Variants in STRIP2 observed in about 807,000 individuals in gnomAD.
STRIP2 encodes the protein striatin interacting protein 2, also known as striatin-interacting protein 2.
In STRIP2, 84 loss-of-function variants were observed where a neutral mutation model predicts 107.1. The observed-to-expected ratio is 0.78, with a 90% CI of 0.66 to 0.94. The LOEUF (loss-of-function observed/expected upper bound fraction) is 0.94. Ranked by LOEUF, STRIP2 falls within the 40% of genes least tolerant of loss-of-function variation. The pLI, the probability that STRIP2 is intolerant of heterozygous loss-of-function variation, is 0.00. For synonymous variants in STRIP2, 394 were observed against 400.4 expected (o/e 0.98, Z 0.19); for missense variants, 888 against 1,034.2 (o/e 0.86, Z 1.94).
rs1046028694 is a variant in STRIP2, at chr7:129,458,235, C to T, written c.1059C>T (p.Asp353=). Residue 353 remains aspartate, a synonymous_variant, in exon 10 of 21, where the codon GAC becomes GAT. Coordinates refer to ENST00000249344, the MANE Select transcript of STRIP2 (RefSeq NM_020704.3). The surrounding 1 kb of genome is among the most constrained non-coding windows in gnomAD (Gnocchi z 4.6). ...TCCAGCAACTCCTCACTAAGCAGGA[C>T]AGCCTGGACATCTACAATGAAAGGG... ...GSRRQLLTKQ[D]SLDIYNERDL... 4 of 1,614,018 alleles carry T rather than the reference C, an allele frequency of 2.5e-6. No homozygotes were observed. In the African/African-American group the frequency reaches 5.3e-5, roughly 22 times the overall value.
Position 129,434,664 on chromosome 7 carries a change from G to A in STRIP2, c.129+63G>A, listed in dbSNP as rs995986575. On this transcript the variant is annotated intron_variant, in intron 1 of 20. Transcript: ENST00000249344. ...CGCCCGCCGGCGGGAAGCGGCGGCT[G>A]AGGTGATTCGGCCTCGGCCCCGGAG... 4 of 1,413,022 alleles carry A rather than the reference G, an allele frequency of 2.8e-6. No individual in the cohort carries two copies. In the African/African-American group the frequency reaches 4.5e-5, roughly 16 times the overall value. The allele number at this position is 1,413,022 out of a possible 1,614,324, so 87.5% of individuals were successfully genotyped here.
intron 5 of STRIP2, 35 bp downstream of exon 5, chr7:129,453,382 AC>A: frequency 6.2e-7 from 1 of 1,612,298 alleles, no homozygotes; most frequent in East Asian, 2.2e-5. Context: ...GGCCTACATA[AC>A]CCCCATTCCT....
At chr7:129,479,373 T>G (rs1799057909) in intron 18 of STRIP2, among the ~76,000 whole-genome samples, 2 of 152,238 alleles carry the variant, frequency 1.3e-5, no homozygotes, top group South Asian at 4.1e-4. Context: ...CCAGACTACC[T>G]GATGCACTAC....
chr7:129,458,595 G>GC lies in STRIP2; in HGVS notation c.1275-115dup, dbSNP rs1165674338. ...TTTGAAATTCCTTCTGTTGATTGCT[G>GC]CCTTTTTCCACTGCTCCAGTCCTCT... On this transcript the variant is annotated intron_variant, in intron 10 of 20. Coordinates refer to ENST00000249344, the MANE Select transcript of STRIP2 (RefSeq NM_020704.3). The surrounding 1 kb of genome is among the most constrained non-coding windows in gnomAD (Gnocchi z 4.6). 9 of 1,311,880 alleles carry GC rather than the reference G, an allele frequency of 6.9e-6. No individual in the cohort carries two copies. The highest frequency in any genetic ancestry group is 9.6e-6 in the Non-Finnish European group (9 of 933,652). 81.3% of individuals were successfully genotyped at this position (1,311,880 alleles called of 1,614,324 possible). A position where few individuals can be genotyped will look rare whatever the true frequency, so the allele number is the denominator to read the frequency against.
chr7:129,482,940 G>A lies in STRIP2; in HGVS notation c.2148G>A (p.Gln716=). The change falls in exon 20 of 21, where the codon CAG becomes CAA. Residue 716 remains glutamine, a synonymous_variant. Transcript: ENST00000249344. The stretch of plus-strand genomic sequence containing the variant: ...ATGTCCTAAAGCTACTAAAGTTACA[G>A]ACCAAGTACCTGGGGCGCCAATGGA... The part of the protein sequence containing the change: ...QLYVLKLLKL[Q]TKYLGRQWRK... 6.2e-7 allele frequency: 1 copy of A among 1,614,118 alleles called. No individual in the cohort carries two copies. The highest frequency in any genetic ancestry group is 8.5e-7 in the Non-Finnish European group (1 of 1,180,030).
intron 12 of STRIP2, 27 bp from the exon 13 acceptor site, chr7:129,460,268 CAGCCCT>C: frequency 6.3e-7 from 1 of 1,598,572 alleles, no homozygotes; most frequent in African/African-American, 1.3e-5. Context: ...ATGAGGCCCT[CAGCCCT>C]TGTTGATGTC....
chr7:129,485,194 C>T (rs1022176932), intron 20 of STRIP2, among the ~76,000 whole-genome samples: 3 of 152,060 alleles, frequency 2.0e-5, no homozygotes. Flanking sequence ...TTTAATTACC[C>T]TTTTGGGAAA....
intron 20 of STRIP2, among the ~76,000 whole-genome samples, chr7:129,484,222 GA>G (rs1799192799): frequency 6.6e-6 from 1 of 152,186 alleles, no homozygotes; most frequent in Non-Finnish European, 1.5e-5. Flanking sequence ...AAGGTTTGAT[GA>G]ATTCAATTTA....
rs1395178855 is a variant in STRIP2 at position 129,461,194 on chromosome 7, C to T, written c.1476+822C>T. ...GGAATCAAGAATAAGTACCATTTGC[C>T]AGGATGTGGGGGGAATATCAAGAGT... is the stretch of plus-strand genomic sequence containing the variant. On this transcript the variant is annotated intron_variant, in intron 13 of 20. Transcript: ENST00000249344. This position sits in a 1 kb window ranked among gnomAD's most constrained non-coding sequence, Gnocchi z 4.0. Among the ~76,000 whole-genome samples, 1 of 152,122 alleles carries T rather than the reference C, an allele frequency of 6.6e-6. No individual in the cohort carries two copies. The highest frequency in any genetic ancestry group is 2.4e-5 in the African/African-American group (1 of 41,422).
At position 129,464,104 on chromosome 7, in the gene STRIP2, A is replaced by C. The variant is rs747277573; in HGVS notation, c.1612A>C (p.Ile538Leu). 6 of 1,613,286 alleles carry C rather than the reference A, an allele frequency of 3.7e-6. No individual in the cohort carries two copies. In the South Asian group the frequency reaches 5.5e-5, roughly 15 times the overall value. ...CACCTCTAAGGCTAAGACAGACTCT[A>C]TCAATATCCTGGCAGATGTCCTACC... ...APTSKAKTDS[I>L]NILADVLPEE... The change falls in exon 15 of 21, where the codon ATC (isoleucine) becomes CTC (leucine). Residue 538 changes from isoleucine to leucine, a missense_variant. Transcript: ENST00000249344.
rs1278026509 is a variant in STRIP2 at position 129,487,885 on chromosome 7, A to G, written c.*2056A>G. Reference sequence around the variant, plus strand: ...GCTTTTTGAGGCACAGAAGTATGCTAAGCTTTAACATTTTGTATTTATTTA... The same window carrying G: ...GCTTTTTGAGGCACAGAAGTATGCTGAGCTTTAACATTTTGTATTTATTTA... On this transcript the variant is annotated 3_prime_UTR_variant, in exon 21 of 21. Transcript: ENST00000249344. 1 of 152,214 alleles carries G rather than the reference A, an allele frequency of 6.6e-6. No homozygotes were observed. Among genetic ancestry groups the G allele is most frequent in the Non-Finnish European group, 1.5e-5 (1 of 68,028 alleles). 9.4% of individuals were successfully genotyped at this position (152,214 alleles called of 1,614,324 possible).
At chr7:129,451,402 G>C (rs549443131) in intron 3 of STRIP2, among the ~76,000 whole-genome samples, 4 of 152,316 alleles carry the variant, frequency 2.6e-5, no homozygotes, top group Non-Finnish European at 5.9e-5. Context: ...GGACAGAGGG[G>C]ATGTTGAAGG....
At chr7:129,478,899 T>C (rs892126639) in intron 18 of STRIP2, among the ~76,000 whole-genome samples, 2 of 152,206 alleles carry the variant, frequency 1.3e-5, no homozygotes, top group African/African-American at 4.8e-5. Flanking sequence ...CTCTACCGTA[T>C]TGAAAATCAG....
intron 2 of STRIP2, 56 bp from the exon 3 acceptor site, chr7:129,443,968 T>C: frequency 7.5e-7 from 1 of 1,332,022 alleles, no homozygotes. Context: ...CTCTCTACTT[T>C]GGGCCTCTTC....
At chr7:129,481,218 T>G (rs36086855) in intron 19 of STRIP2, among the ~76,000 whole-genome samples, 33,622 of 152,068 alleles carry the variant, frequency 0.22, 4,235 homozygotes, top group Non-Finnish European at 0.28. Context: ...TGAAAGCTTG[T>G]CTGGGCTCCG....
At chr7:129,471,051 A>G (rs1188107329) in intron 18 of STRIP2, among the ~76,000 whole-genome samples, 8 of 152,172 alleles carry the variant, frequency 5.3e-5, no homozygotes, top group Admixed American at 2.6e-4. Context: ...AGCACAAATA[A>G]TTATCTGTCT....
rs1296767105 is a variant in STRIP2, at chr7:129,440,081, C to G, written c.189C>G (p.Ala63=). The change falls in exon 2 of 21, where the codon GCC becomes GCG. Residue 63 remains alanine, a synonymous_variant. Transcript: ENST00000249344. ...ATGGAGATGCAGATGGGCATGCAGC[C>G]GAGTTGTCAGGTATGAGGTAGATGG... ...FEYGDADGHA[A]ELSELYSYTE... 1 of 1,613,884 alleles carries G rather than the reference C, an allele frequency of 6.2e-7. No individual in the cohort carries two copies. Among genetic ancestry groups the G allele is most frequent in the Non-Finnish European group, 8.5e-7 (1 of 1,179,946 alleles).
intron 3 of STRIP2, among the ~76,000 whole-genome samples, chr7:129,451,246 G>A (rs1214063095): frequency 6.6e-6 from 1 of 152,064 alleles, no homozygotes; most frequent in East Asian, 1.9e-4. Flanking sequence ...GCCGAGAAAG[G>A]TCCTTTTATA....
chr7:129,455,416 C>G, intron 8 of STRIP2, 45 bp downstream of exon 8: 1 of 1,584,450 alleles, frequency 6.3e-7, no homozygotes, highest in South Asian at 1.2e-5. Context: ...CAGCAATGCC[C>G]TATGCCACCT....
Sources: allele counts gnomAD v4.1 joint callset (sites outside exome capture counted in the v4.1 genomes callset), GRCh38; gene constraint gnomAD v4.1.1; non-coding constraint Gnocchi (gnomAD v3.1); transcripts MANE v1.5; gene names NCBI Gene and HGNC (gene_info 2026-07-23, HGNC 2026-07-21).